The following ETFBKMT variants were observed in gnomAD, a reference collection of about 807,000 sequenced individuals.
ETFBKMT encodes the protein electron transfer flavoprotein subunit beta lysine methyltransferase.
In ETFBKMT, 13 loss-of-function variants were observed where a neutral mutation model predicts 18.3. That is an observed-to-expected ratio of 0.71 (90% CI 0.46 to 1.13). The LOEUF is 1.13. Among genes scored for constraint, ETFBKMT ranks in the 50% most tolerant of loss-of-function variants. ETFBKMT has a pLI of 0.00. For synonymous variants in ETFBKMT, 84 were observed against 107.9 expected (o/e 0.78, Z 1.37); for missense variants, 293 against 306.2 (o/e 0.96, Z 0.32).
chr12:31,655,076 A>AG (rs1432925875), upstream of ETFBKMT, among the ~76,000 whole-genome samples: 2 of 147,928 alleles, frequency 1.4e-5, no homozygotes, highest in South Asian at 2.2e-4. Context: ...CAAACAAACA[A>AG]AAAAACAGAA....
At chr12:31,657,425 G>A (rs1310525884), upstream of ETFBKMT, among the ~76,000 whole-genome samples, 2 of 152,138 alleles carry the variant, frequency 1.3e-5, no homozygotes, top group African/African-American at 4.8e-5. Context: ...CTTTGTCTGG[G>A]ACTAAAGGAA....
chr12:31,658,269 C>A (rs1005652947), upstream of ETFBKMT, among the ~76,000 whole-genome samples: 10 of 152,078 alleles, frequency 6.6e-5, no homozygotes, highest in African/African-American at 2.2e-4. Flanking sequence ...AGAAAACAAG[C>A]GTTTACATCA....
At chr12:31,658,390 G>A (rs1951079882), upstream of ETFBKMT, among the ~76,000 whole-genome samples, 1 of 152,180 alleles carries the variant, frequency 6.6e-6, no homozygotes, top group African/African-American at 2.4e-5. Flanking sequence ...AATGCAAGGT[G>A]TATAGCTTAT....
exon 1 of ETFBKMT, chr12:31,647,172 T>A (rs1015476566): frequency 1.3e-5 from 2 of 152,322 alleles, no homozygotes; most frequent in African/African-American, 4.8e-5. Flanking sequence ...CTTAATGGAA[T>A]CCAAGCCTCT....
chr12:31,666,020 G>C (rs1330098225), intron 2 of ETFBKMT, 67 bp from the exon 3 acceptor site: 5 of 1,431,842 alleles, frequency 3.5e-6, no homozygotes, highest in Non-Finnish European at 4.7e-6. Context: ...GCCAGATTTT[G>C]GGGGGCCTGT....
At chr12:31,651,935 G>A (rs1951021398) in intron 1 of ETFBKMT, among the ~76,000 whole-genome samples, 1 of 152,166 alleles carries the variant, frequency 6.6e-6, no homozygotes, top group South Asian at 2.1e-4. Flanking sequence ...GTGAACGCAG[G>A]GAGGAACTTC....
rs199742537 is a variant in ETFBKMT, at chr12:31,668,204, AT to A, written c.*223del. 2.2e-4 allele frequency: 101 copies of A among 464,908 alleles called. No homozygotes were observed. Among genetic ancestry groups the A allele is most frequent in the Middle Eastern group, 5.7e-4 (1 of 1,768 alleles). 28.8% of individuals were successfully genotyped at this position (464,908 alleles called of 1,614,324 possible). A position where few individuals can be genotyped will look rare whatever the true frequency, so the allele number is the denominator to read the frequency against. Reference sequence around the variant, plus strand: ...GCCAATTATACACATCTCTATCTGCATTTTTTTTTCTATTTTAACCGCTGAA... The same window carrying A: ...GCCAATTATACACATCTCTATCTGCATTTTTTTTCTATTTTAACCGCTGAA... On this transcript the variant is annotated 3_prime_UTR_variant, in exon 4 of 4. Transcript: ENST00000357721.
upstream of ETFBKMT, among the ~76,000 whole-genome samples, chr12:31,655,073 A>AG (rs1951049618): frequency 1.5e-5 from 1 of 66,986 alleles, no homozygotes; most frequent in Non-Finnish European, 3.4e-5. Context: ...AAACAAACAA[A>AG]CAAAAAAACA....
Position 31,668,205 on chromosome 12 carries a change from T to C in ETFBKMT, c.*215T>C, listed in dbSNP as rs375547638. ...CCAATTATACACATCTCTATCTGCA[T>C]TTTTTTTTCTATTTTAACCGCTGAA... On this transcript the variant is annotated 3_prime_UTR_variant, in exon 4 of 4. Transcript: ENST00000357721. 1 of 449,006 alleles carries C rather than the reference T, an allele frequency of 2.2e-6. No individual in the cohort carries two copies. Among genetic ancestry groups the C allele is most frequent in the African/African-American group, 2.0e-5 (1 of 49,922 alleles). The allele number at this position is 449,006 out of a possible 1,614,324, so 27.8% of individuals were successfully genotyped here. A position where few individuals can be genotyped will look rare whatever the true frequency, so the allele number is the denominator to read the frequency against.
chr12:31,654,030 T>C (rs746785213), intron 1 of ETFBKMT, among the ~76,000 whole-genome samples: 2 of 152,154 alleles, frequency 1.3e-5, no homozygotes, highest in Non-Finnish European at 2.9e-5. Context: ...ATGGTGGAAA[T>C]GTAAAATGAC....
At position 31,671,688 on chromosome 12, in the gene ETFBKMT, A is replaced by C. The variant is rs1373893070; in HGVS notation, c.*3698A>C. 1 of 152,196 alleles carries C rather than the reference A, an allele frequency of 6.6e-6. No homozygotes were observed. Among genetic ancestry groups the C allele is most frequent in the Admixed American group, 6.5e-5 (1 of 15,276 alleles). The allele number at this position is 152,196 out of a possible 1,614,324, so 9.4% of individuals were successfully genotyped here. On this transcript the variant is annotated 3_prime_UTR_variant, in exon 4 of 4. Transcript: ENST00000357721. ...AATGTAACTGGGAAGAGTAGCCATA[A>C]AAATCAATGAATGGATGTGGCTGGG...
upstream of ETFBKMT, among the ~76,000 whole-genome samples, chr12:31,655,790 G>A (rs1023680785): frequency 3.9e-5 from 6 of 152,152 alleles, no homozygotes; most frequent in African/African-American, 9.7e-5. Context: ...CAAGGAGCAC[G>A]GGCCACAGAC....
chr12:31,661,799 C>T, intron 1 of ETFBKMT, 42 bp from the exon 2 acceptor site: 1 of 702,722 alleles, frequency 1.4e-6, no homozygotes, highest in South Asian at 1.9e-5. Context: ...AAATGTTGCT[C>T]TTCCTCAGAA....
At chr12:31,654,226 T>A (rs1201410690), upstream of ETFBKMT, among the ~76,000 whole-genome samples, 1 of 152,146 alleles carries the variant, frequency 6.6e-6, no homozygotes, top group Non-Finnish European at 1.5e-5. Context: ...ATTTTTGTAT[T>A]TTTAGTAGAG....
chr12:31,654,683 T>C (rs1486287338), upstream of ETFBKMT, among the ~76,000 whole-genome samples: 3 of 152,174 alleles, frequency 2.0e-5, no homozygotes, highest in African/African-American at 4.8e-5. Flanking sequence ...ATAAACTCTA[T>C]ACAATTGCAT....
intron 2 of ETFBKMT, among the ~76,000 whole-genome samples, chr12:31,663,342 C>A (rs189735358): frequency 9.9e-5 from 15 of 152,212 alleles, no homozygotes; most frequent in African/African-American, 3.6e-4. Flanking sequence ...CCGCCCTCCT[C>A]GGCCTCCCAA....
intron 1 of ETFBKMT, among the ~76,000 whole-genome samples, chr12:31,651,500 T>TCC (rs1951018002): frequency 2.0e-5 from 3 of 151,996 alleles, no homozygotes; most frequent in African/African-American, 7.2e-5. Context: ...TGGCTAATTT[T>TCC]TGTATTTTTA....
intron 1 of ETFBKMT, among the ~76,000 whole-genome samples, chr12:31,650,495 T>C (rs1951007149): frequency 6.6e-6 from 1 of 152,172 alleles, no homozygotes; most frequent in South Asian, 2.1e-4. Flanking sequence ...TTCTTAAACT[T>C]GCTTTCACTT....
intron 1 of ETFBKMT, chr12:31,661,002 A>G (rs1340831636): frequency 6.6e-6 from 1 of 152,256 alleles, no homozygotes; most frequent in East Asian, 1.9e-4. Flanking sequence ...GGCCCACAAT[A>G]TAACAATATA....
Sources: gnomAD v4.1 joint callset for allele counts (sites outside exome capture counted in the v4.1 genomes callset) on GRCh38, gnomAD v4.1.1 for gene constraint, MANE v1.5 for transcripts, NCBI Gene and HGNC (gene_info 2026-07-23, HGNC 2026-07-21) for gene names.